Variants in AGBL1 observed in about 807,000 individuals in gnomAD.
AGBL1 encodes cytosolic carboxypeptidase 4.
Under a neutral mutation model 118.9 loss-of-function variants are expected in AGBL1, and 130 were observed. The ratio of observed to expected loss-of-function variants is 1.09; its 90% confidence interval spans 0.95 to 1.26. AGBL1 has a LOEUF of 1.26. AGBL1 is among the 50% of genes most tolerant of loss of function. The pLI, the probability that AGBL1 is intolerant of heterozygous loss-of-function variation, is 0.00. For missense variants in AGBL1, 1,584 were observed against 1,298.1 expected, an observed-to-expected ratio of 1.22 and a Z score of -3.38; for synonymous variants, 555 against 478.9, an observed-to-expected ratio of 1.16 and a Z score of -2.08.
intron 8 of AGBL1, among the ~76,000 whole-genome samples, chr15:86,257,489 A>G (rs6496314): frequency 0.65 from 99,222 of 152,078 alleles, 33,068 homozygotes; most frequent in African/African-American, 0.76. Flanking sequence ...CCTAGTACGA[A>G]CAGATTTTCT....
intron 21 of AGBL1, among the ~76,000 whole-genome samples, chr15:86,658,341 A>G (rs1391484653): frequency 6.6e-6 from 1 of 152,148 alleles, no homozygotes; most frequent in Admixed American, 6.6e-5. Context: ...TGACACTTGG[A>G]AAGAACTTAC....
chr15:86,911,229 G>C lies in AGBL1; in HGVS notation c.*3935G>C, dbSNP rs555493745. On this transcript the variant is annotated 3_prime_UTR_variant, in exon 23 of 23. Transcript: ENST00000614907. The stretch of plus-strand genomic sequence containing the variant: ...CATCCGGTGCTCTGCATGCAGGACT[G>C]GAACTGGGGCTGAGGGGCTGTGGGG... The C allele has an allele frequency of 1.3e-5, 2 of 153,276 alleles. No individual in the cohort carries two copies. Among genetic ancestry groups the C allele is most frequent in the Admixed American group, 1.3e-4 (2 of 15,322 alleles). The allele number at this position is 153,276 out of a possible 1,614,324, so 9.5% of individuals were successfully genotyped here. A position where few individuals can be genotyped will look rare whatever the true frequency, so the allele number is the denominator to read the frequency against.
At chr15:86,395,387 A>G (rs1347382448) in intron 17 of AGBL1, among the ~76,000 whole-genome samples, 1 of 151,992 alleles carries the variant, frequency 6.6e-6, no homozygotes, top group Non-Finnish European at 1.5e-5. Flanking sequence ...GCAAGCTCCA[A>G]TGTGAATACC....
chr15:86,461,279 A>T (rs1879035279), intron 18 of AGBL1, among the ~76,000 whole-genome samples: 2 of 152,168 alleles, frequency 1.3e-5, no homozygotes, highest in Admixed American at 6.5e-5. Context: ...AACTGGGTTT[A>T]TAAAAAATGT....
chr15:86,650,787 C>T (rs770558499), intron 21 of AGBL1, among the ~76,000 whole-genome samples: 1 of 152,184 alleles, frequency 6.6e-6, no homozygotes, highest in Non-Finnish European at 1.5e-5. Flanking sequence ...TTCCCGAGCT[C>T]CCTCATCTCC....
chr15:86,143,935 C>T (rs974140336), intron 3 of AGBL1, 90 bp downstream of exon 3: 99 of 1,468,414 alleles, frequency 6.7e-5, no homozygotes, highest in Non-Finnish European at 8.9e-5. Context: ...GGTGGAGTAG[C>T]ACAGGGAGAA....
chr15:86,293,443 G>A (rs2079580477), intron 16 of AGBL1, among the ~76,000 whole-genome samples: 1 of 152,146 alleles, frequency 6.6e-6, no homozygotes, highest in African/African-American at 2.4e-5. Flanking sequence ...AGCCAGCAAG[G>A]GAAGACTGAG....
intron 18 of AGBL1, among the ~76,000 whole-genome samples, chr15:86,437,007 T>C (rs1340439787): frequency 6.6e-6 from 1 of 152,112 alleles, no homozygotes; most frequent in Non-Finnish European, 1.5e-5. Flanking sequence ...ACTTTGTTTT[T>C]TTTTTTTGCA....
At chr15:86,417,671 G>A (rs1212865613) in intron 18 of AGBL1, among the ~76,000 whole-genome samples, 1 of 152,178 alleles carries the variant, frequency 6.6e-6, no homozygotes, top group Non-Finnish European at 1.5e-5. Context: ...CATCTACATT[G>A]AGAGCTGAAG....
intron 24 of AGBL1, among the ~76,000 whole-genome samples, chr15:87,020,156 A>C (rs536118653): frequency 6.6e-6 from 1 of 152,182 alleles, no homozygotes; most frequent in African/African-American, 2.4e-5. Context: ...GGACCAGAAG[A>C]ATTTACAGCT....
At chr15:86,330,341 T>C (rs2080250637) in intron 17 of AGBL1, among the ~76,000 whole-genome samples, 1 of 152,166 alleles carries the variant, frequency 6.6e-6, no homozygotes. Flanking sequence ...CAGATGTGCA[T>C]AATAGGGCTA....
chr15:86,654,553 C>G (rs2085431656), intron 21 of AGBL1, among the ~76,000 whole-genome samples: 1 of 152,120 alleles, frequency 6.6e-6, no homozygotes, highest in Non-Finnish European at 1.5e-5. Context: ...TACCAGGACC[C>G]TAATCAAGGC....
chr15:86,673,433 C>T (rs1226621109), intron 21 of AGBL1, among the ~76,000 whole-genome samples: 1 of 152,172 alleles, frequency 6.6e-6, no homozygotes, highest in Non-Finnish European at 1.5e-5. Context: ...CTCTTCTAGT[C>T]GCTATACAGC....
rs549326337 is a variant in AGBL1 at position 86,654,256 on chromosome 15, A to G, written c.2995-20017A>G. Among the ~76,000 whole-genome samples, 4 of 152,284 alleles carry G rather than the reference A, an allele frequency of 2.6e-5. No individual in the cohort carries two copies. In the East Asian group the frequency reaches 7.7e-4, roughly 29 times the overall value. On this transcript the variant is annotated intron_variant, in intron 21 of 22. Transcript: ENST00000614907. ...TGTTTATAATCTCTACTCCTCCCCT[A>G]GAGCTCTGCCAAGTTGTTAGCAAGT...
chr15:86,735,112 A>G (rs960103170), intron 22 of AGBL1, among the ~76,000 whole-genome samples: 7 of 151,688 alleles, frequency 4.6e-5, no homozygotes, highest in African/African-American at 1.7e-4. Flanking sequence ...ACGGAGTTCC[A>G]CTCTTGTCAC....
chr15:86,125,231 C>T (rs1383361360), intron 1 of AGBL1, among the ~76,000 whole-genome samples: 2 of 152,158 alleles, frequency 1.3e-5, no homozygotes, highest in Non-Finnish European at 2.9e-5. Flanking sequence ...CTGTGATAGC[C>T]ATGGTTAACC....
At chr15:87,023,684 T>C (rs1224626000) in intron 24 of AGBL1, among the ~76,000 whole-genome samples, 1 of 152,048 alleles carries the variant, frequency 6.6e-6, no homozygotes, top group Non-Finnish European at 1.5e-5. Flanking sequence ...GAATATACAT[T>C]GTATTAAACA....
At chr15:86,917,647 C>A (rs781023196), downstream of AGBL1, among the ~76,000 whole-genome samples, 21 of 152,210 alleles carry the variant, frequency 1.4e-4, no homozygotes, top group Middle Eastern at 3.4e-3. This position sits in a 1 kb window ranked among gnomAD's most constrained non-coding sequence, Gnocchi z 4.8. Flanking sequence ...TTGGAGACTT[C>A]CTTTAGTGAG....
intron 22 of AGBL1, among the ~76,000 whole-genome samples, chr15:86,809,984 T>C (rs2078766745): frequency 6.6e-6 from 1 of 152,082 alleles, no homozygotes; most frequent in Non-Finnish European, 1.5e-5. Context: ...AATGGAAACA[T>C]TTGGTTCCAG....
Sources: allele counts gnomAD v4.1 joint callset (sites outside exome capture counted in the v4.1 genomes callset), GRCh38; gene constraint gnomAD v4.1.1; non-coding constraint Gnocchi (gnomAD v3.1); transcripts MANE v1.5; gene names NCBI Gene and HGNC (gene_info 2026-07-23, HGNC 2026-07-21).